Variants in SP3 observed in about 807,000 individuals in gnomAD.
SP3 encodes transcription factor Sp3.
SP3 carries 10 observed loss-of-function variants against 70.3 expected under a neutral mutation model. That is an observed-to-expected ratio of 0.14 (90% CI 0.09 to 0.24). The LOEUF is 0.24. Ranked by LOEUF, SP3 falls within the 10% of genes least tolerant of loss-of-function variation. The pLI is 1.00. For synonymous variants in SP3, 402 were observed against 333.5 expected, an observed-to-expected ratio of 1.21 and a Z score of -2.24; for missense variants, 825 against 914.6, an observed-to-expected ratio of 0.90 and a Z score of 1.26.
chr2:173,935,536 C>A (rs1690185838), intron 4 of SP3, among the ~76,000 whole-genome samples: 1 of 152,156 alleles, frequency 6.6e-6, no homozygotes, highest in Non-Finnish European at 1.5e-5. Flanking sequence ...CTTTATTATC[C>A]TAAAAGAGTA....
At chr2:173,930,049 C>T (rs1690028478) in intron 4 of SP3, among the ~76,000 whole-genome samples, 1 of 152,088 alleles carries the variant, frequency 6.6e-6, no homozygotes, top group Non-Finnish European at 1.5e-5. Flanking sequence ...CTATGGGTAC[C>T]TTGAGTTTAC....
chr2:173,951,601 T>C (rs966535271), intron 4 of SP3, among the ~76,000 whole-genome samples: 2 of 152,228 alleles, frequency 1.3e-5, no homozygotes, highest in South Asian at 2.1e-4. Flanking sequence ...TGGTTCGGGC[T>C]GAACCATATG....
chr2:173,918,472 C>A, intron 5 of SP3, 121 bp downstream of exon 5: 2 of 1,040,466 alleles, frequency 1.9e-6, no homozygotes, highest in Non-Finnish European at 2.8e-6. Context: ...CACGCATACA[C>A]ACACACCAAA....
At chr2:173,931,714 C>T (rs1242977569) in intron 4 of SP3, among the ~76,000 whole-genome samples, 3 of 152,198 alleles carry the variant, frequency 2.0e-5, no homozygotes, top group Non-Finnish European at 4.4e-5. Flanking sequence ...GCAGCTTCTA[C>T]ATCAGCACTT....
rs1334228646 is a variant in SP3, at chr2:173,905,925, A to G, written c.*4016T>C. Among the ~76,000 whole-genome samples the G allele has an allele frequency of 6.6e-6, 1 of 152,216 alleles. No homozygotes were observed. Among genetic ancestry groups the G allele is most frequent in the African/African-American group, 2.4e-5 (1 of 41,462 alleles). ...GAAGTGGGGAGGATTGCTTGAGACC[A>G]GTAAGTGGAGTCTGCAGTAAGCCAT... On this transcript the variant is annotated 3_prime_UTR_variant, in exon 7 of 7. Coordinates refer to ENST00000310015, the MANE Select transcript of SP3 (RefSeq NM_003111.5).
chr2:173,923,977 A>G (rs73028235), intron 4 of SP3, among the ~76,000 whole-genome samples: 6,220 of 152,044 alleles, frequency 0.041, 196 homozygotes, highest in Admixed American at 0.1. Flanking sequence ...GGATAGTTCT[A>G]AATTATAGAT....
rs79331448 is a variant in SP3, at chr2:173,939,793, T to C, written c.1639+15080A>G. On this transcript the variant is annotated intron_variant, in intron 4 of 6. Coordinates refer to ENST00000310015, the MANE Select transcript of SP3 (RefSeq NM_003111.5). ...AAAAAAAAAAAAAAAGTTACACTGA[T>C]TTTGGGGGAGGAATTAAAAAGATTA... Among the ~76,000 whole-genome samples the C allele has an allele frequency of 1.5e-3, 177 of 115,020 alleles. 9 individuals carry two copies. The East Asian group carries it at 0.052, about 34-fold the overall frequency. The allele number at this position is 115,020 out of a possible 152,430, so 75.5% of individuals were successfully genotyped here.
intron 3 of SP3, among the ~76,000 whole-genome samples, chr2:173,961,938 T>TTTCG (rs1553519074): frequency 1.9e-5 from 2 of 105,342 alleles, no homozygotes; most frequent in Non-Finnish European, 1.8e-5. Flanking sequence ...GGTTTGGGTT[T>TTTCG]TTTTTTTTTT....
At chr2:173,911,447 T>G (rs529108479) in intron 6 of SP3, among the ~76,000 whole-genome samples, 1 of 152,342 alleles carries the variant, frequency 6.6e-6, no homozygotes, top group Admixed American at 6.5e-5. Flanking sequence ...CTTGTAACAT[T>G]AGTCCTGAGA....
At chr2:173,961,785 ATGTCT>A (rs1691088348) in intron 3 of SP3, among the ~76,000 whole-genome samples, 1 of 152,202 alleles carries the variant, frequency 6.6e-6, no homozygotes, top group South Asian at 2.1e-4. Flanking sequence ...TGCTGAAAAG[ATGTCT>A]TAAGTTCATA....
chr2:173,926,663 A>G (rs182281817), intron 4 of SP3, among the ~76,000 whole-genome samples: 15 of 152,374 alleles, frequency 9.8e-5, no homozygotes, highest in African/African-American at 1.2e-4. Flanking sequence ...CAATGCCCAG[A>G]TAATTTTAAA....
intron 4 of SP3, 92 bp downstream of exon 4, chr2:173,954,781 G>A: frequency 5.6e-6 from 6 of 1,071,452 alleles, no homozygotes; most frequent in Non-Finnish European, 8.2e-6. Context: ...ATTCTAATGT[G>A]AGTCTGATGC....
In SP3 at chr2:173,964,489, ACCGCCGCCG is replaced by A. The variant is rs750177307; in HGVS notation, c.63_71del (p.Gly27_Gly29del). 7 of 465,990 alleles carry A rather than the reference ACCGCCGCCG, an allele frequency of 1.5e-5. No individual in the cohort carries two copies. The highest frequency in any genetic ancestry group is 6.9e-5 in the East Asian group (1 of 14,414). The allele number at this position is 465,990 out of a possible 1,614,324, so 28.9% of individuals were successfully genotyped here. A position where few individuals can be genotyped will look rare whatever the true frequency, so the allele number is the denominator to read the frequency against. The stretch of plus-strand genomic sequence containing the variant: ...ACTCGCCGTGGCCGCCGCCGCCGCC[ACCGCCGCCG>A]CCGCTATCCACGTCCAAGGCAGCCA... On this transcript the variant is annotated inframe_deletion, in exon 2 of 7. Transcript: ENST00000310015.
rs528658839 is a variant in SP3 at position 173,909,254 on chromosome 2, T to C, written c.*687A>G. 16 of 152,682 alleles carry C rather than the reference T, an allele frequency of 1.0e-4. No homozygotes were observed. The highest frequency in any genetic ancestry group is 5.2e-4 in the Admixed American group (8 of 15,300). 9.5% of individuals were successfully genotyped at this position (152,682 alleles called of 1,614,324 possible). On this transcript the variant is annotated 3_prime_UTR_variant, in exon 7 of 7. Coordinates refer to ENST00000310015, the MANE Select transcript of SP3 (RefSeq NM_003111.5). Reference sequence around the variant, plus strand: ...TTGGTTATATTGCCCAACTTCGTTATTGAAAGAATATTAACAAGACATTAT... The same window carrying C: ...TTGGTTATATTGCCCAACTTCGTTACTGAAAGAATATTAACAAGACATTAT...
intron 4 of SP3, among the ~76,000 whole-genome samples, chr2:173,929,332 C>T (rs1690004294): frequency 6.6e-6 from 1 of 152,156 alleles, no homozygotes; most frequent in Admixed American, 6.5e-5. Context: ...AAAAAATACA[C>T]CTGTCCCTCC....
intron 4 of SP3, among the ~76,000 whole-genome samples, chr2:173,939,764 CAAAAAA>C (rs3045251): frequency 1.4e-5 from 1 of 70,194 alleles, no homozygotes. Flanking sequence ...GACTCCAACT[CAAAAAA>C]AAAAAAAAAA....
At position 173,955,473 on chromosome 2, in the gene SP3, C is replaced by T; in HGVS notation, c.1039G>A (p.Gly347Ser). The T allele has an allele frequency of 6.2e-7, 1 of 1,614,062 alleles. No individual in the cohort carries two copies. The highest frequency in any genetic ancestry group is 8.5e-7 in the Non-Finnish European group (1 of 1,180,010). The change falls in exon 4 of 7, where the codon GGT becomes AGT. Residue 347 changes from glycine to serine, a missense_variant. Coordinates refer to ENST00000310015, the MANE Select transcript of SP3 (RefSeq NM_003111.5). ...SQLPVTIDSTGILQQNTNSLT... is the reference protein window; with the variant it reads ...SQLPVTIDSTSILQQNTNSLT... ...CTATTTGTGTTTTGTTGTAATATAC[C>T]TGTACTATCTATCGTAACAGGCAAC...
chr2:173,951,194 G>GTT (rs1180673046), intron 4 of SP3, among the ~76,000 whole-genome samples: 1 of 152,166 alleles, frequency 6.6e-6, no homozygotes, highest in Non-Finnish European at 1.5e-5. Context: ...ATAGAACGCT[G>GTT]TAACATTAAT....
chr2:173,939,746 C>T (rs1220948604), intron 4 of SP3, among the ~76,000 whole-genome samples: 1 of 82,366 alleles, frequency 1.2e-5, no homozygotes, highest in African/African-American at 6.1e-5. Flanking sequence ...GCCTGAGCAA[C>T]AGAGCAAGAC....
Sources: allele counts gnomAD v4.1 joint callset (sites outside exome capture counted in the v4.1 genomes callset), GRCh38; gene constraint gnomAD v4.1.1; transcripts MANE v1.5; gene names NCBI Gene and HGNC (gene_info 2026-07-23, HGNC 2026-07-21).